Variants in CCDC91 observed in about 807,000 individuals in gnomAD.
CCDC91 encodes the protein coiled-coil domain-containing protein 91.
Under a neutral mutation model 63.2 loss-of-function variants are expected in CCDC91, and 48 were observed. The observed-to-expected ratio is 0.76, with a 90% CI of 0.60 to 0.97. The LOEUF is 0.97. CCDC91 is among the 50% of genes least tolerant of loss of function. The pLI is 0.00. For synonymous variants in CCDC91, 167 were observed against 165.8 expected, an observed-to-expected ratio of 1.01 and a Z score of -0.06; for missense variants, 500 against 494.6, an observed-to-expected ratio of 1.01 and a Z score of -0.10.
intron 3 of CCDC91, among the ~76,000 whole-genome samples, chr12:28,266,512 TAATA>T (rs1307071178): frequency 6.6e-6 from 1 of 152,038 alleles, no homozygotes; most frequent in Non-Finnish European, 1.5e-5. Context: ...AGTACTAATC[TAATA>T]AATTACGGTG....
intron 7 of CCDC91, among the ~76,000 whole-genome samples, chr12:28,367,255 G>A (rs2138716378): frequency 6.6e-6 from 1 of 152,276 alleles, no homozygotes; most frequent in Non-Finnish European, 1.5e-5. Context: ...TGAAACCAAT[G>A]TGAAAACAGA....
Position 28,376,488 on chromosome 12 carries a change from T to G in CCDC91, c.654+13973T>G, listed in dbSNP as rs1944955067. Among the ~76,000 whole-genome samples the G allele has an allele frequency of 3.3e-5, 5 of 151,870 alleles. No individual in the cohort carries two copies. In the South Asian group the frequency reaches 1.0e-3, roughly 32 times the overall value. ...CGTCAAGATTAAAAAAAACAAAAAC[T>G]TATTCCTTGTTTTCCTTGATGTGGG... On this transcript the variant is annotated intron_variant, in intron 7 of 12. Coordinates refer to ENST00000536442, the MANE Select transcript of CCDC91 (RefSeq NM_018318.5).
intron 1 of CCDC91, among the ~76,000 whole-genome samples, chr12:28,231,420 G>C (rs533858576): frequency 3.0e-4 from 45 of 152,276 alleles, no homozygotes; most frequent in African/African-American, 1.1e-3. Context: ...AACAACTAAA[G>C]AAATATCTTT....
chr12:28,353,199 T>G (rs1030784633), intron 6 of CCDC91, among the ~76,000 whole-genome samples: 9 of 152,220 alleles, frequency 5.9e-5, no homozygotes, highest in African/African-American at 2.2e-4. Flanking sequence ...TTTCTCAGCC[T>G]TCACAGAATT....
intron 6 of CCDC91, among the ~76,000 whole-genome samples, chr12:28,334,804 CA>C: frequency 6.6e-6 from 1 of 151,952 alleles, no homozygotes; most frequent in Non-Finnish European, 1.5e-5. Context: ...ACTTGGGCAC[CA>C]AACCAACCAA....
intron 12 of CCDC91, among the ~76,000 whole-genome samples, chr12:28,532,669 T>A (rs1487055331): frequency 2.0e-5 from 3 of 152,046 alleles, no homozygotes; most frequent in Non-Finnish European, 2.9e-5. Context: ...CGAGTTATTA[T>A]GTCAACAAGC....
intron 1 of CCDC91, among the ~76,000 whole-genome samples, chr12:28,250,735 C>T (rs1366130421): frequency 1.3e-5 from 2 of 151,802 alleles, no homozygotes; most frequent in African/African-American, 4.8e-5. Flanking sequence ...TTCTTTGAGC[C>T]CTTACTATGT....
chr12:28,413,078 G>A, intron 8 of CCDC91: 1 of 179,716 alleles, frequency 5.6e-6, no homozygotes, highest in Non-Finnish European at 1.2e-5. Context: ...ACTCAAAAAA[G>A]TCCTTTTCCA....
At chr12:28,234,374 T>G (rs1026920477) in intron 1 of CCDC91, among the ~76,000 whole-genome samples, 1 of 152,146 alleles carries the variant, frequency 6.6e-6, no homozygotes, top group African/African-American at 2.4e-5. Context: ...TGTCCTAAAT[T>G]TTTATAGTCT....
chr12:28,233,514 A>T (rs956769090), intron 1 of CCDC91, among the ~76,000 whole-genome samples: 2 of 152,196 alleles, frequency 1.3e-5, no homozygotes, highest in South Asian at 2.1e-4. Context: ...AGAAGAATCT[A>T]TGTAAAGTGA....
At position 28,436,638 on chromosome 12, in the gene CCDC91, CTT is replaced by C. The variant is rs1485309274; in HGVS notation, c.763-13520_763-13519del. On this transcript the variant is annotated intron_variant, in intron 8 of 12. Coordinates refer to ENST00000536442, the MANE Select transcript of CCDC91 (RefSeq NM_018318.5). ...TCATTTTCCTTGTCTCTGAAGAACT[CTT>C]TTAACATGTCTTGTTGAGCAGATTT... Among the ~76,000 whole-genome samples, 9 of 151,824 alleles carry C rather than the reference CTT, an allele frequency of 5.9e-5. No homozygotes were observed. The East Asian group carries it at 1.7e-3, about 29-fold the overall frequency.
chr12:28,270,481 TACAC>T (rs1397034793), intron 3 of CCDC91, among the ~76,000 whole-genome samples: 2 of 152,142 alleles, frequency 1.3e-5, no homozygotes, highest in African/African-American at 2.4e-5. Flanking sequence ...AATCAAATAT[TACAC>T]ACAATTTGAT....
intron 1 of CCDC91, among the ~76,000 whole-genome samples, chr12:28,202,866 C>G (rs181590228): frequency 2.0e-5 from 3 of 152,366 alleles, no homozygotes; most frequent in Non-Finnish European, 4.4e-5. Context: ...TTTGCCCCAA[C>G]TGTTACTGCC....
intron 8 of CCDC91, among the ~76,000 whole-genome samples, chr12:28,433,934 C>T (rs1396893751): frequency 6.6e-6 from 1 of 151,846 alleles, no homozygotes; most frequent in Admixed American, 6.6e-5. Context: ...TTGGTAATTA[C>T]TATTTCCTTT....
chr12:28,454,114 G>A (rs1322940355), intron 11 of CCDC91, among the ~76,000 whole-genome samples: 2 of 152,200 alleles, frequency 1.3e-5, no homozygotes, highest in Middle Eastern at 3.4e-3. Context: ...ATGTTTGCAC[G>A]TTTTGCTAGA....
At chr12:28,493,863 A>T (rs1234131113) in intron 12 of CCDC91, among the ~76,000 whole-genome samples, 2 of 151,704 alleles carry the variant, frequency 1.3e-5, no homozygotes, top group South Asian at 2.1e-4. Flanking sequence ...GATTGGTCTG[A>T]TCATTCAACT....
intron 8 of CCDC91, among the ~76,000 whole-genome samples, chr12:28,432,204 C>A (rs1287110164): frequency 6.6e-6 from 1 of 151,920 alleles, no homozygotes; most frequent in Non-Finnish European, 1.5e-5. Flanking sequence ...AATAATAGTT[C>A]ATTCTTTGGA....
chr12:28,324,179 A>G (rs527749317), intron 6 of CCDC91, among the ~76,000 whole-genome samples: 27 of 151,854 alleles, frequency 1.8e-4, no homozygotes, highest in South Asian at 6.2e-4. Flanking sequence ...TATTTAGAAC[A>G]TTTAGAAAAT....
At chr12:28,323,807 T>G (rs1327528921) in intron 6 of CCDC91, among the ~76,000 whole-genome samples, 1 of 151,842 alleles carries the variant, frequency 6.6e-6, no homozygotes, top group East Asian at 1.9e-4. Flanking sequence ...CGGAGTGGCA[T>G]ATGCAAAGCC....
Sources: gnomAD v4.1 joint callset for allele counts (sites outside exome capture counted in the v4.1 genomes callset) on GRCh38, gnomAD v4.1.1 for gene constraint, MANE v1.5 for transcripts, NCBI Gene and HGNC (gene_info 2026-07-23, HGNC 2026-07-21) for gene names.